Variants in LAMP2 observed in about 807,000 individuals in gnomAD.
LAMP2 encodes the protein lysosome associated membrane protein 2.
A neutral mutation model predicts 25.6 loss-of-function variants in LAMP2; 4 were observed. The ratio of observed to expected loss-of-function variants is 0.16; its 90% CI spans 0.08 to 0.36. The LOEUF (loss-of-function observed/expected upper bound fraction) is 0.36. LAMP2 is among the 10% of genes least tolerant of loss of function. The pLI is 1.00. For missense variants in LAMP2, 272 were observed against 301.4 expected, an observed-to-expected ratio of 0.90 and a Z score of 0.72; for synonymous variants, 108 against 112.7, an observed-to-expected ratio of 0.96 and a Z score of 0.27.
chrX:120,448,096 C>CA (rs2058606175), intron 4 of LAMP2, 71 bp from the exon 5 acceptor site: 25 of 976,247 alleles, frequency 2.6e-5, no homozygotes, highest in South Asian at 1.2e-4. Flanking sequence ...CAGGGAAAAC[C>CA]AAAAAAAATT....
intron 8 of LAMP2, chrX:120,436,793 A>G (rs1313648836): frequency 1.4e-6 from 1 of 719,512 alleles, no homozygotes; most frequent in East Asian, 1.5e-4. Context: ...AAACTGGCCC[A>G]TGTAAAATAC....
At chrX:120,441,978 C>A in intron 7 of LAMP2, 84 bp from the exon 8 acceptor site, 1 of 894,158 alleles carries the variant, frequency 1.1e-6, no homozygotes, top group Non-Finnish European at 1.6e-6. Context: ...GTGGCTCACG[C>A]CTGTAATTCC....
chrX:120,457,023 C>G (rs751289521), intron 1 of LAMP2, among the ~76,000 whole-genome samples: 18 of 110,900 alleles, frequency 1.6e-4, no homozygotes, highest in Non-Finnish European at 3.2e-4. Flanking sequence ...TTGGCATTAT[C>G]CCTTACCAAA....
intron 3 of LAMP2, among the ~76,000 whole-genome samples, chrX:120,452,572 G>A (rs1304420180): frequency 1.1e-5 from 1 of 89,707 alleles, no homozygotes; most frequent in Admixed American, 1.3e-4. Flanking sequence ...TTTTGAGACA[G>A]GGTCTCTCTC....
In LAMP2 at chrX:120,441,716, T is replaced by A. The variant is rs2147278803; in HGVS notation, c.1093+14A>T. On this transcript the variant is annotated intron_variant, in intron 8 of 8. Coordinates refer to ENST00000200639, the MANE Select transcript of LAMP2 (RefSeq NM_002294.3). ...AAGAACATAAATTATTAATGAAGTT[T>A]GCTTGATTCTTACCTGTAGAATACT... is the stretch of plus-strand genomic sequence containing the variant. The A allele has an allele frequency of 6.8e-6, 8 of 1,180,119 alleles. No individual in the cohort carries two copies. Among genetic ancestry groups the A allele is most frequent in the Non-Finnish European group, 9.2e-6 (8 of 867,002 alleles).
Position 120,429,707 on chromosome X carries a change from T to A in LAMP2, c.*1616A>T. ...AATTTCAAGTGTAAACCAGCTGTTGTTTTACTGTTGAGTGACTAGATTTCA... is the reference window on the plus strand; with the variant it reads ...AATTTCAAGTGTAAACCAGCTGTTGATTTACTGTTGAGTGACTAGATTTCA... On this transcript the variant is annotated 3_prime_UTR_variant, in exon 9 of 9. Transcript: ENST00000200639. 1 of 753,503 alleles carries A rather than the reference T, an allele frequency of 1.3e-6. No homozygotes were observed. Among genetic ancestry groups the A allele is most frequent in the Non-Finnish European group, 1.6e-6 (1 of 638,736 alleles). The allele number at this position is 753,503 out of a possible 1,213,427, so 62.1% of individuals were successfully genotyped here. A position where few individuals can be genotyped will look rare whatever the true frequency, so the allele number is the denominator to read the frequency against.
chrX:120,437,695 A>G, intron 8 of LAMP2: 2 of 749,887 alleles, frequency 2.7e-6, no homozygotes, highest in Non-Finnish European at 3.1e-6. Flanking sequence ...ATGAATAATA[A>G]CAACGAAAGT....
chrX:120,445,019 C>T (rs1436195027), intron 6 of LAMP2, among the ~76,000 whole-genome samples: 1 of 112,142 alleles, frequency 8.9e-6, no homozygotes, highest in African/African-American at 3.2e-5. Context: ...TTCTTAAATA[C>T]TAAACATTGC....
intron 3 of LAMP2, among the ~76,000 whole-genome samples, chrX:120,455,050 G>A (rs2058639912): frequency 1.0e-5 from 1 of 98,161 alleles, no homozygotes; most frequent in Non-Finnish European, 2.0e-5. Context: ...TATATACTAG[G>A]ATATACATAT....
Position 120,469,241 on chromosome X carries a change from C to T in LAMP2, c.-72G>A. On this transcript the variant is annotated 5_prime_UTR_variant, in exon 1 of 9. Transcript: ENST00000200639. ...AACAGCTGCAACACCAGGGAAAAGG[C>T]TCGCTGGACCTGGGTCAAGAGCACT... 9.4e-7 allele frequency: 1 copy of T among 1,068,568 alleles called. No homozygotes were observed. The highest frequency in any genetic ancestry group is 1.3e-6 in the Non-Finnish European group (1 of 768,773). 88.1% of individuals were successfully genotyped at this position (1,068,568 alleles called of 1,213,427 possible).
At chrX:120,437,755 G>A in intron 8 of LAMP2, 2 of 750,207 alleles carry the variant, frequency 2.7e-6, no homozygotes, top group Non-Finnish European at 1.6e-6. Flanking sequence ...TAGTGATGTT[G>A]TAGCAATCAA....
chrX:120,468,047 G>A (rs963543850), intron 1 of LAMP2, among the ~76,000 whole-genome samples: 1 of 111,983 alleles, frequency 8.9e-6, no homozygotes, highest in Non-Finnish European at 1.9e-5. Context: ...ACAGGCATGA[G>A]CCACCACGCC....
Position 120,430,107 on chromosome X carries a change from T to C in LAMP2, c.*1216A>G, listed in dbSNP as rs1485667008. 23 of 752,226 alleles carry C rather than the reference T, an allele frequency of 3.1e-5. No homozygotes were observed. Among genetic ancestry groups the C allele is most frequent in the South Asian group, 6.8e-5 (1 of 14,712 alleles). The allele number at this position is 752,226 out of a possible 1,213,427, so 62.0% of individuals were successfully genotyped here. A position where few individuals can be genotyped will look rare whatever the true frequency, so the allele number is the denominator to read the frequency against. On this transcript the variant is annotated 3_prime_UTR_variant, in exon 9 of 9. Coordinates refer to ENST00000200639, the MANE Select transcript of LAMP2 (RefSeq NM_002294.3). ...CACTGTATTGTTAATCAGGAAGTTA[T>C]AGAGACTCTGATCATGCCCCTATAT...
rs1159473441 is a variant in LAMP2 at position 120,429,014 on chromosome X, T to C, written c.*2309A>G. On this transcript the variant is annotated 3_prime_UTR_variant, in exon 9 of 9. Transcript: ENST00000200639. ...ATAATTAAAGTATAAATAAGAATTC[T>C]GTATAAGTAATAAAATTTAAGTTAA... is the stretch of plus-strand genomic sequence containing the variant. The C allele has an allele frequency of 3.2e-6, 2 of 624,711 alleles. No individual in the cohort carries two copies. The highest frequency in any genetic ancestry group is 5.1e-5 in the African/African-American group (2 of 39,416). 51.5% of individuals were successfully genotyped at this position (624,711 alleles called of 1,213,427 possible).
Position 120,428,726 on chromosome X carries a change from G to T in LAMP2, c.*2597C>A. The T allele has an allele frequency of 9.3e-7, 1 of 1,071,089 alleles. No homozygotes were observed. Among genetic ancestry groups the T allele is most frequent in the African/African-American group, 2.0e-5 (1 of 50,799 alleles). 88.3% of individuals were successfully genotyped at this position (1,071,089 alleles called of 1,213,427 possible). On this transcript the variant is annotated 3_prime_UTR_variant, in exon 9 of 9. Coordinates refer to ENST00000200639, the MANE Select transcript of LAMP2 (RefSeq NM_002294.3). ...AACATGCATTTTGAAAGTGTACATA[G>T]CTTAGTTTTTTATAGCATTACCTCT...
chrX:120,452,758 T>G (rs1171202000), intron 3 of LAMP2, among the ~76,000 whole-genome samples: 1 of 99,939 alleles, frequency 1.0e-5, no homozygotes, highest in Non-Finnish European at 2.0e-5. Flanking sequence ...CTTAATATGT[T>G]GCCCAGGCTA....
chrX:120,446,101 G>T (rs986524403), intron 6 of LAMP2, among the ~76,000 whole-genome samples: 5 of 110,221 alleles, frequency 4.5e-5, no homozygotes, highest in African/African-American at 1.7e-4. Context: ...GGCCACTCTT[G>T]GTGAACATTA....
intron 8 of LAMP2, among the ~76,000 whole-genome samples, chrX:120,432,620 C>G (rs936734218): frequency 9.0e-6 from 1 of 111,041 alleles, no homozygotes; most frequent in Non-Finnish European, 1.9e-5. Context: ...AGGGGGTGTA[C>G]GAGGAGGAGA....
chrX:120,454,966 G>GAT (rs1361411445), intron 3 of LAMP2, among the ~76,000 whole-genome samples: 7 of 73,924 alleles, frequency 9.5e-5, no homozygotes, highest in Non-Finnish European at 1.6e-4. Flanking sequence ...CACACACTAG[G>GAT]ATATATATAT....
Sources: allele counts gnomAD v4.1 joint callset (sites outside exome capture counted in the v4.1 genomes callset), GRCh38; gene constraint gnomAD v4.1.1; transcripts MANE v1.5; gene names NCBI Gene and HGNC (gene_info 2026-07-23, HGNC 2026-07-21).